Variants in KIAA1549 observed in about 807,000 individuals in gnomAD.
KIAA1549 encodes KIAA1549, also known as UPF0606 protein KIAA1549.
A neutral mutation model predicts 156.4 loss-of-function variants in KIAA1549; 70 were observed. That is an observed-to-expected ratio of 0.45 (90% CI 0.37 to 0.55). The LOEUF is 0.55. Among genes scored for constraint, KIAA1549 ranks in the 20% least tolerant of loss-of-function variants. The probability of loss-of-function intolerance (pLI) is 0.00; values close to 1 mark genes in which losing one functional copy is unlikely to be tolerated. For missense variants in KIAA1549, 2,428 were observed against 2,540.9 expected (o/e 0.96, Z 0.96); for synonymous variants, 1,103 against 1,066.4 (o/e 1.03, Z -0.67).
chr7:138,903,858 CGCGCGCGCGCGCACATAT>C, intron 7 of KIAA1549, 122 bp from the exon 8 acceptor site: 1 of 620,294 alleles, frequency 1.6e-6, no homozygotes, highest in Non-Finnish European at 2.4e-6. Context: ...TGTGTGCGCG[CGCGCGCGCGCGCACATAT>C]GTATTTGAAA....
chr7:138,905,659 G>GA (rs945821455), intron 6 of KIAA1549, among the ~76,000 whole-genome samples: 2 of 150,864 alleles, frequency 1.3e-5, no homozygotes, highest in African/African-American at 2.4e-5. Context: ...GTTTCATTTT[G>GA]AAAAAGAATT....
At chr7:138,883,704 T>C (rs1811313269) in intron 10 of KIAA1549, among the ~76,000 whole-genome samples, 1 of 152,186 alleles carries the variant, frequency 6.6e-6, no homozygotes, top group Non-Finnish European at 1.5e-5. Context: ...GTTTCCTTAA[T>C]TCAAGCTTGC....
chr7:138,872,209 A>G (rs1810956141), intron 12 of KIAA1549, among the ~76,000 whole-genome samples: 1 of 152,112 alleles, frequency 6.6e-6, no homozygotes, highest in Non-Finnish European at 1.5e-5. Context: ...GGCCTCCCAA[A>G]GTGCTGGGAT....
At position 138,912,451 on chromosome 7, in the gene KIAA1549, C is replaced by G. The variant is rs1812197231; in HGVS notation, c.2888G>C (p.Arg963Thr). ...AATGATGTACTCCTGCACAGCTCTTCTGGCCAGCACTGCAAATGAAAGCAA... is the reference window on the plus strand; with the variant it reads ...AATGATGTACTCCTGCACAGCTCTTGTGGCCAGCACTGCAAATGAAAGCAA... ...DAYLITTVLA[R>T]RAVQEYIITA... Residue 963 changes from arginine to threonine, a missense_variant, in exon 3 of 20, where the codon AGA becomes ACA. Around this residue, in one of 5 missense-constraint regions of KIAA1549, gnomAD observed 762 missense variants for 901.6 expected, o/e 0.85. Transcript: ENST00000422774. 1 of 1,613,388 alleles carries G rather than the reference C, an allele frequency of 6.2e-7. No individual in the cohort carries two copies. Among genetic ancestry groups the G allele is most frequent in the Admixed American group, 1.7e-5 (1 of 60,000 alleles).
chr7:138,958,040 A>G lies in KIAA1549; in HGVS notation c.187+23043T>C, dbSNP rs139978482. ...TTGTACTCATGCATCTACGTTTTGA[A>G]TTTTCCTTTGACAACGTCTGTGAAT... On this transcript the variant is annotated intron_variant, in intron 1 of 19. Transcript: ENST00000422774. Among the ~76,000 whole-genome samples the G allele has an allele frequency of 5.6e-3, 848 of 152,090 alleles. 6 individuals are homozygous for G. Among genetic ancestry groups the G allele is most frequent in the African/African-American group, 0.019 (792 of 41,462 alleles).
intron 1 of KIAA1549, among the ~76,000 whole-genome samples, chr7:138,946,467 T>C (rs1231051912): frequency 2.0e-5 from 3 of 152,170 alleles, no homozygotes; most frequent in Admixed American, 1.3e-4. Context: ...ACTAAAGATA[T>C]TCTAAAACAG....
intron 10 of KIAA1549, among the ~76,000 whole-genome samples, chr7:138,890,508 A>G (rs942596478): frequency 2.4e-4 from 37 of 152,366 alleles, no homozygotes; most frequent in African/African-American, 8.4e-4. Flanking sequence ...GTTTGTCTTC[A>G]GTGCAGCCCC....
intron 1 of KIAA1549, among the ~76,000 whole-genome samples, chr7:138,965,674 T>C (rs1014191466): frequency 2.2e-4 from 33 of 152,158 alleles, no homozygotes; most frequent in African/African-American, 7.5e-4. Context: ...AAACAACATG[T>C]AGAATATGAT....
chr7:138,879,268 C>T (rs1408644997), intron 12 of KIAA1549, among the ~76,000 whole-genome samples: 1 of 152,156 alleles, frequency 6.6e-6, no homozygotes, highest in Non-Finnish European at 1.5e-5. Context: ...TCCTCCTTGA[C>T]CTCTGGGCAG....
chr7:138,913,837 A>G (rs1812237843), intron 2 of KIAA1549, among the ~76,000 whole-genome samples: 1 of 152,038 alleles, frequency 6.6e-6, no homozygotes, highest in African/African-American at 2.4e-5. Flanking sequence ...GAAAGATAAA[A>G]TGAGGAGGAA....
At chr7:138,950,040 T>C (rs748501628) in intron 1 of KIAA1549, among the ~76,000 whole-genome samples, 8 of 152,196 alleles carry the variant, frequency 5.3e-5, no homozygotes, top group Non-Finnish European at 7.3e-5. Flanking sequence ...GTGGTCTCCA[T>C]TGTGTTAAAA....
intron 1 of KIAA1549, among the ~76,000 whole-genome samples, chr7:138,932,966 A>G (rs1286958889): frequency 6.6e-6 from 1 of 152,228 alleles, no homozygotes; most frequent in Non-Finnish European, 1.5e-5. Flanking sequence ...GAGACATGGG[A>G]AAACCAGGAA....
At chr7:138,974,790 A>G (rs758265574) in intron 1 of KIAA1549, among the ~76,000 whole-genome samples, 1 of 150,452 alleles carries the variant, frequency 6.6e-6, no homozygotes, top group Non-Finnish European at 1.5e-5. Flanking sequence ...CTAGGGGACA[A>G]TTCTAATCTA....
chr7:138,925,998 G>T (rs944424992), intron 1 of KIAA1549, among the ~76,000 whole-genome samples: 1 of 152,144 alleles, frequency 6.6e-6, no homozygotes, highest in Non-Finnish European at 1.5e-5. Flanking sequence ...AGGCACAGAC[G>T]CTGGGAAAAT....
At chr7:138,950,823 C>A (rs1017490102) in intron 1 of KIAA1549, among the ~76,000 whole-genome samples, 1 of 152,134 alleles carries the variant, frequency 6.6e-6, no homozygotes, top group Non-Finnish European at 1.5e-5. Context: ...GATGCTCTCT[C>A]TACCCTGCTG....
intron 1 of KIAA1549, among the ~76,000 whole-genome samples, chr7:138,975,025 A>T (rs1313355435): frequency 6.6e-6 from 1 of 152,190 alleles, no homozygotes; most frequent in East Asian, 1.9e-4. Context: ...ATGCAAAATC[A>T]CCAGGGGGAT....
At chr7:138,851,151 T>C (rs1164055712) in intron 17 of KIAA1549, among the ~76,000 whole-genome samples, 1 of 152,204 alleles carries the variant, frequency 6.6e-6, no homozygotes, top group Non-Finnish European at 1.5e-5. Flanking sequence ...TTAATTGAAA[T>C]ACCTAGTTAT....
At chr7:138,847,694 T>C (rs1333836334) in intron 17 of KIAA1549, among the ~76,000 whole-genome samples, 1 of 152,238 alleles carries the variant, frequency 6.6e-6, no homozygotes, top group East Asian at 1.9e-4. Context: ...CTCCTTCTTC[T>C]TTCTCAAAGT....
intron 1 of KIAA1549, among the ~76,000 whole-genome samples, chr7:138,959,897 A>T (rs28435649): frequency 0.22 from 32,933 of 152,186 alleles, 4,223 homozygotes; most frequent in African/African-American, 0.35. Context: ...CAAATGTCAC[A>T]CCCATGTGGG....
Sources: allele counts gnomAD v4.1 joint callset (sites outside exome capture counted in the v4.1 genomes callset), GRCh38; gene constraint gnomAD v4.1.1; regional missense constraint gnomAD v4.1.1; transcripts MANE v1.5; gene names NCBI Gene and HGNC (gene_info 2026-07-23, HGNC 2026-07-21).